R3HDM2: variants seen among roughly 807,000 people sequenced by gnomAD.
R3HDM2 encodes R3H domain-containing protein 2.
Under a neutral mutation model 124.5 loss-of-function variants are expected in R3HDM2, and 38 were observed. The observed-to-expected ratio is 0.31, with a 90% CI of 0.24 to 0.40. The LOEUF (loss-of-function observed/expected upper bound fraction) is 0.40. Ranked by LOEUF, R3HDM2 falls within the 10% of genes least tolerant of loss-of-function variation. The pLI is 1.00. For synonymous variants in R3HDM2, 391 were observed against 448.0 expected, an observed-to-expected ratio of 0.87 and a Z score of 1.61; for missense variants, 869 against 1,236.9, an observed-to-expected ratio of 0.70 and a Z score of 4.46.
At position 57,360,038 on chromosome 12, in the gene R3HDM2, T is replaced by TAC. The variant is rs1555287261; in HGVS notation, c.-36+35710_-36+35711insGT. ...ATATATATATACACACATATATATA[T>TAC]ATATATATATTTTTTTTTTTTTTTT... On this transcript the variant is annotated intron_variant, in intron 2 of 23. Transcript: ENST00000402412. Among the ~76,000 whole-genome samples, 362 of 87,914 alleles carry TAC rather than the reference T, an allele frequency of 4.1e-3. 2 individuals carry two copies. Among genetic ancestry groups the TAC allele is most frequent in the South Asian group, 0.012 (36 of 2,934 alleles). 57.7% of individuals were successfully genotyped at this position (87,914 alleles called of 152,430 possible).
intron 10 of R3HDM2, among the ~76,000 whole-genome samples, chr12:57,294,578 G>GTTATTA: frequency 6.6e-6 from 1 of 152,122 alleles, no homozygotes; most frequent in East Asian, 1.9e-4. Context: ...CTAGAGGTAA[G>GTTATTA]ATATTATTAT....
At chr12:57,384,534 T>G (rs2065412269) in intron 2 of R3HDM2, among the ~76,000 whole-genome samples, 1 of 152,080 alleles carries the variant, frequency 6.6e-6, no homozygotes, top group African/African-American at 2.4e-5. Flanking sequence ...CATAGAAAAG[T>G]GCAAACTCAA....
chr12:57,421,972 T>C (rs1336160090), intron 1 of R3HDM2, among the ~76,000 whole-genome samples: 1 of 151,774 alleles, frequency 6.6e-6, no homozygotes, highest in Non-Finnish European at 1.5e-5. Flanking sequence ...GGCGTGCACC[T>C]GTAATCCCAG....
chr12:57,265,267 C>A (rs997419360), intron 19 of R3HDM2, among the ~76,000 whole-genome samples: 1 of 152,188 alleles, frequency 6.6e-6, no homozygotes, highest in South Asian at 2.1e-4. Context: ...CATTTAATTT[C>A]TTTGAGTTTT....
rs527591231 is a variant in R3HDM2 at position 57,257,284 on chromosome 12, G to GT, written c.2449+705dup. The stretch of plus-strand genomic sequence containing the variant: ...TACTGGAAATATGATCTAACGTTGG[G>GT]TATTTTTTTCCCTCATTAATGTTGC... On this transcript the variant is annotated intron_variant, in intron 21 of 23. Coordinates refer to ENST00000402412, the MANE Select transcript of R3HDM2 (RefSeq NM_001394031.1). Among the ~76,000 whole-genome samples the GT allele has an allele frequency of 2.1e-3, 318 of 152,178 alleles. 2 individuals carry two copies. The highest frequency in any genetic ancestry group is 5.0e-3 in the Admixed American group (77 of 15,274).
chr12:57,341,694 T>C (rs1322381108), intron 2 of R3HDM2, among the ~76,000 whole-genome samples: 2 of 152,232 alleles, frequency 1.3e-5, no homozygotes, highest in African/African-American at 2.4e-5. Flanking sequence ...TAGCAAAGGC[T>C]TATCACATTT....
At chr12:57,362,189 A>C (rs907755438) in intron 2 of R3HDM2, among the ~76,000 whole-genome samples, 1 of 152,130 alleles carries the variant, frequency 6.6e-6, no homozygotes, top group Non-Finnish European at 1.5e-5. Flanking sequence ...AAGTTACAAC[A>C]AGTGTGCCTG....
At chr12:57,285,188 G>C (rs2047050641) in intron 12 of R3HDM2, among the ~76,000 whole-genome samples, 1 of 152,112 alleles carries the variant, frequency 6.6e-6, no homozygotes, top group African/African-American at 2.4e-5. Flanking sequence ...CAATCCCACT[G>C]GTTCCAAAGG....
chr12:57,307,029 G>A (rs1321833688), intron 3 of R3HDM2, among the ~76,000 whole-genome samples: 1 of 151,944 alleles, frequency 6.6e-6, no homozygotes, highest in Non-Finnish European at 1.5e-5. Flanking sequence ...CAAAAAAAAA[G>A]GACACACCTA....
At chr12:57,302,539 G>A (rs143329039) in intron 4 of R3HDM2, among the ~76,000 whole-genome samples, 8,858 of 151,726 alleles carry the variant, frequency 0.058, 742 homozygotes, top group African/African-American at 0.19. Context: ...GGTGGCGGGC[G>A]CCTGTAATCC....
chr12:57,314,955 C>T (rs1171883894), intron 2 of R3HDM2, among the ~76,000 whole-genome samples: 1 of 152,080 alleles, frequency 6.6e-6, no homozygotes, highest in African/African-American at 2.4e-5. Flanking sequence ...CCTCCCCGGG[C>T]TCAGGTGATC....
chr12:57,258,300 A>C (rs1054184652), intron 20 of R3HDM2, among the ~76,000 whole-genome samples, 163 bp from the exon 21 acceptor site: 1 of 151,364 alleles, frequency 6.6e-6, no homozygotes, highest in Non-Finnish European at 1.5e-5. Flanking sequence ...TCCTTAATTC[A>C]TTTATGCTAT....
chr12:57,305,989 C>A (rs1174393231), intron 3 of R3HDM2, among the ~76,000 whole-genome samples: 1 of 152,182 alleles, frequency 6.6e-6, no homozygotes, highest in Non-Finnish European at 1.5e-5. Context: ...TAGAGAAAGA[C>A]ATCATCTGGA....
Position 57,258,010 on chromosome 12 carries a change from C to T in R3HDM2, c.2429G>A (p.Arg810Gln), listed in dbSNP as rs147863008. ...CCTACCCTGTGCTGGACCCCCAGGC[C>T]GGGGGAACTGTGTGAGGACAGGCAG... ...SPLPVLTQFP[R>Q]PGGPAQGDGR... The change falls in exon 21 of 24, where the codon CGG becomes CAG. Residue 810 changes from arginine to glutamine, a missense_variant. Arg to Gln is a conservative substitution (Grantham distance 43). Around this residue, in one of 2 missense-constraint regions of R3HDM2, gnomAD observed 602 missense variants for 789.2 expected, o/e 0.76. Coordinates refer to ENST00000402412, the MANE Select transcript of R3HDM2 (RefSeq NM_001394031.1). The T allele has an allele frequency of 1.8e-5, 28 of 1,569,908 alleles. No homozygotes were observed. Among genetic ancestry groups the T allele is most frequent in the Middle Eastern group, 1.7e-4 (1 of 5,804 alleles).
At chr12:57,430,518 C>T in intron 1 of R3HDM2, 1 of 984,792 alleles carries the variant, frequency 1.0e-6, no homozygotes. Flanking sequence ...CCGCCCCGCG[C>T]CCCCAGCTTC....
chr12:57,393,878 C>T (rs1940560343), intron 2 of R3HDM2, among the ~76,000 whole-genome samples: 1 of 152,166 alleles, frequency 6.6e-6, no homozygotes, highest in South Asian at 2.1e-4. Flanking sequence ...ACCATGGAAG[C>T]TAAAATAATG....
intron 1 of R3HDM2, among the ~76,000 whole-genome samples, chr12:57,412,917 C>T (rs894349661): frequency 6.6e-6 from 1 of 151,830 alleles, no homozygotes; most frequent in Admixed American, 6.6e-5. Flanking sequence ...TTTGGGAGGC[C>T]GAGGTGGGCG....
chr12:57,382,606 G>A (rs1237337835), intron 2 of R3HDM2, among the ~76,000 whole-genome samples: 1 of 150,328 alleles, frequency 6.7e-6, no homozygotes, highest in Admixed American at 6.6e-5. Context: ...GGAGGCCGAG[G>A]AGGGCCGATC....
At chr12:57,332,492 T>C (rs1330036172) in intron 2 of R3HDM2, among the ~76,000 whole-genome samples, 1 of 151,998 alleles carries the variant, frequency 6.6e-6, no homozygotes. Context: ...TGTTCTTTCT[T>C]TGATATCACA....
Sources: gnomAD v4.1 joint callset for allele counts (sites outside exome capture counted in the v4.1 genomes callset) on GRCh38, gnomAD v4.1.1 for gene constraint, gnomAD v4.1.1 regional missense constraint, MANE v1.5 for transcripts, NCBI Gene and HGNC (gene_info 2026-07-23, HGNC 2026-07-21) for gene names.